The following PDE6A variants were observed in gnomAD, a reference collection of about 807,000 sequenced individuals.
PDE6A encodes the protein rod cGMP-specific 3',5'-cyclic phosphodiesterase subunit alpha.
Under a neutral mutation model 106.3 loss-of-function variants are expected in PDE6A, and 84 were observed. The observed-to-expected ratio is 0.79, with a 90% CI of 0.66 to 0.95. The LOEUF (loss-of-function observed/expected upper bound fraction) is 0.95, where lower values mean the gene tolerates loss of function less well. PDE6A is among the 40% of genes least tolerant of loss of function. PDE6A has a pLI of 0.00. For synonymous variants in PDE6A, 394 were observed against 386.6 expected (o/e 1.02, Z -0.23); for missense variants, 1,052 against 1,084.9 (o/e 0.97, Z 0.43).
At chr5:149,884,213 T>G (rs1761037334) in intron 16 of PDE6A, among the ~76,000 whole-genome samples, 1 of 147,410 alleles carries the variant, frequency 6.8e-6, no homozygotes, top group African/African-American at 2.5e-5. Flanking sequence ...TATATATATA[T>G]ATACACACAC....
rs1017760372 is a variant in PDE6A, at chr5:149,930,497, A to G, written c.858+531T>C. On this transcript the variant is annotated intron_variant, in intron 4 of 21. Transcript: ENST00000255266. ...AAATGAGGAAGTTGTTTGGGAAAAC[A>G]TATCTAAAAAACATCGCTGGGAGCG... Among the ~76,000 whole-genome samples, 4 of 152,240 alleles carry G rather than the reference A, an allele frequency of 2.6e-5. No homozygotes were observed. The South Asian group carries it at 8.3e-4, about 31-fold the overall frequency.
At chr5:149,898,908 G>T (rs986830924) in intron 9 of PDE6A, among the ~76,000 whole-genome samples, 2 of 152,124 alleles carry the variant, frequency 1.3e-5, no homozygotes, top group African/African-American at 4.8e-5. Context: ...CTGTCACCCA[G>T]GATGGATTGC....
At chr5:149,911,892 A>G (rs183678) in intron 6 of PDE6A, among the ~76,000 whole-genome samples, 120,425 of 148,702 alleles carry the variant, frequency 0.81, 49,069 homozygotes, top group African/African-American at 0.87. Context: ...GGTGGCTCAC[A>G]CCTGTAATCC....
intron 5 of PDE6A, among the ~76,000 whole-genome samples, chr5:149,917,574 G>C (rs1753593236): frequency 6.6e-6 from 1 of 152,166 alleles, no homozygotes; most frequent in Admixed American, 6.5e-5. Context: ...GGCGAGCTCT[G>C]GTTAAACAAA....
At chr5:149,931,004 T>C in intron 4 of PDE6A, 24 bp downstream of exon 4, 2 of 1,612,718 alleles carry the variant, frequency 1.2e-6, no homozygotes, top group Non-Finnish European at 1.7e-6. Context: ...TTCTTGGAAA[T>C]GTCTGTTGCT....
At chr5:149,896,244 A>G in intron 12 of PDE6A, 112 bp downstream of exon 12, 1 of 873,122 alleles carries the variant, frequency 1.1e-6, no homozygotes, top group Non-Finnish European at 1.8e-6. Flanking sequence ...TTTAAATCCT[A>G]AATACTGAGA....
chr5:149,907,848 A>C (rs1039795658), intron 6 of PDE6A, among the ~76,000 whole-genome samples: 5 of 152,194 alleles, frequency 3.3e-5, no homozygotes, highest in Non-Finnish European at 5.9e-5. Context: ...GTGAGAAAAA[A>C]ACACACACAT....
At chr5:149,887,260 T>A (rs1752346980) in intron 13 of PDE6A, among the ~76,000 whole-genome samples, 1 of 152,190 alleles carries the variant, frequency 6.6e-6, no homozygotes, top group Non-Finnish European at 1.5e-5. Flanking sequence ...GTATCATGGA[T>A]AAGCCTCAAA....
At chr5:149,865,288 T>C (rs1386697568) in intron 20 of PDE6A, among the ~76,000 whole-genome samples, 2 of 149,230 alleles carry the variant, frequency 1.3e-5, no homozygotes, top group African/African-American at 5.0e-5. Flanking sequence ...TGTGCACCTG[T>C]GGTCCCAGCT....
rs114499143 is a variant in PDE6A, at chr5:149,890,407, T to C, written c.1729-4033A>G. 4.0e-3 allele frequency among the ~76,000 whole-genome samples: 614 copies of C among 152,354 alleles called. 6 individuals carry two copies. The highest frequency in any genetic ancestry group is 0.014 in the African/African-American group (565 of 41,580). Reference sequence around the variant, plus strand: ...TAGGCTTATTTTATATATTAAATTATATGGGAAGCATTGTCAAATACAATT... The same window carrying C: ...TAGGCTTATTTTATATATTAAATTACATGGGAAGCATTGTCAAATACAATT... On this transcript the variant is annotated intron_variant, in intron 13 of 21. Transcript: ENST00000255266.
chr5:149,875,520 C>T (rs536175237), intron 17 of PDE6A, among the ~76,000 whole-genome samples: 29 of 147,920 alleles, frequency 2.0e-4, no homozygotes, highest in African/African-American at 6.3e-4. Context: ...GGAGGAGCCT[C>T]GCTCTGTCAC....
At chr5:149,908,199 A>G (rs1054716158) in intron 6 of PDE6A, among the ~76,000 whole-genome samples, 2 of 152,188 alleles carry the variant, frequency 1.3e-5, no homozygotes, top group Admixed American at 6.5e-5. Context: ...AGTGTTCCCT[A>G]CACTACTGTA....
rs1320678998 is a variant in PDE6A at position 149,905,403 on chromosome 5, C to T, written c.1066-1708G>A. On this transcript the variant is annotated intron_variant, in intron 7 of 21. Transcript: ENST00000255266. ...TCTCTCCATGGCATCAGAATTGTCT[C>T]TTCATCTACCTGCTGGACAGCTGCT... Among the ~76,000 whole-genome samples the T allele has an allele frequency of 2.0e-5, 3 of 152,184 alleles. No homozygotes were observed. In the East Asian group the frequency reaches 5.8e-4, roughly 29 times the overall value.
chr5:149,884,193 A>AT (rs1561706527), intron 16 of PDE6A, among the ~76,000 whole-genome samples: 50 of 94,762 alleles, frequency 5.3e-4, no homozygotes, highest in Non-Finnish European at 7.7e-4. Flanking sequence ...AAAAAGAAAA[A>AT]AAAAAAATAT....
At chr5:149,934,818 C>T in intron 1 of PDE6A, 100 bp from the exon 2 acceptor site, 1 of 1,150,612 alleles carries the variant, frequency 8.7e-7, no homozygotes, top group South Asian at 1.3e-5. Context: ...GTGCTTCCAT[C>T]TATTCCTCTT....
chr5:149,867,720 C>G lies in PDE6A; in HGVS notation c.2274+5G>C, dbSNP rs1760382600. ...ACATCAGGCTGACATCCCCTGTCTA[C>G]TCACAATGGGATTCTGTTGCAGCAC... On this transcript the variant is annotated splice_donor_5th_base_variant and intron_variant, in intron 19 of 21. Transcript: ENST00000255266. 6.2e-7 allele frequency: 1 copy of G among 1,613,394 alleles called. No homozygotes were observed. Among genetic ancestry groups the G allele is most frequent in the Admixed American group, 1.7e-5 (1 of 59,990 alleles).
chr5:149,932,499 C>G (rs1448397916), intron 3 of PDE6A: 6 of 1,361,154 alleles, frequency 4.4e-6, no homozygotes, highest in Admixed American at 1.7e-5. Context: ...TACAACAATC[C>G]TCTCTGGAAC....
At chr5:149,885,745 T>G (rs1008213611) in intron 14 of PDE6A, among the ~76,000 whole-genome samples, 4 of 152,144 alleles carry the variant, frequency 2.6e-5, no homozygotes, top group Non-Finnish European at 4.4e-5. Flanking sequence ...GCAATAAAAT[T>G]TATTATTTTA....
At chr5:149,943,707 T>C (rs1023831378) in intron 1 of PDE6A, among the ~76,000 whole-genome samples, 3 of 150,650 alleles carry the variant, frequency 2.0e-5, no homozygotes, top group Admixed American at 6.7e-5. Flanking sequence ...CTGGAAGTAC[T>C]GTGGAGGTAT....
Sources: gnomAD v4.1 joint callset for allele counts (sites outside exome capture counted in the v4.1 genomes callset) on GRCh38, gnomAD v4.1.1 for gene constraint, MANE v1.5 for transcripts, NCBI Gene and HGNC (gene_info 2026-07-23, HGNC 2026-07-21) for gene names.